Variants in FSIP1 observed in about 807,000 individuals in gnomAD.
The protein encoded by FSIP1 is fibrous sheath interacting protein 1.
FSIP1 carries 65 observed loss-of-function variants against 60.9 expected under a neutral mutation model. That is an observed-to-expected ratio of 1.07 (90% CI 0.87 to 1.31). The LOEUF is 1.31. Among genes scored for constraint, FSIP1 ranks in the 40% most tolerant of loss-of-function variants. The pLI, the probability that FSIP1 is intolerant of heterozygous loss-of-function variation, is 0.00. For synonymous variants in FSIP1, 209 were observed against 221.2 expected, an observed-to-expected ratio of 0.94 and a Z score of 0.49; for missense variants, 675 against 665.5, an observed-to-expected ratio of 1.01 and a Z score of -0.16.
chr15:39,670,845 C>T (rs1228449397), intron 10 of FSIP1, among the ~76,000 whole-genome samples: 2 of 152,200 alleles, frequency 1.3e-5, no homozygotes, highest in Non-Finnish European at 2.9e-5. Flanking sequence ...TAAGCACTTA[C>T]GCAACATTTT....
At chr15:39,631,165 G>GT (rs1206777224) in intron 10 of FSIP1, among the ~76,000 whole-genome samples, 1 of 152,106 alleles carries the variant, frequency 6.6e-6, no homozygotes, top group East Asian at 1.9e-4. Context: ...CTTTCTTTGG[G>GT]TGCTCCTCCA....
chr15:39,727,150 A>G (rs1051127818), intron 8 of FSIP1, among the ~76,000 whole-genome samples: 5 of 152,248 alleles, frequency 3.3e-5, no homozygotes, highest in Admixed American at 1.3e-4. Context: ...GTAACATAGC[A>G]TCTATAAAAT....
chr15:39,631,152 A>G (rs901254110), intron 10 of FSIP1, among the ~76,000 whole-genome samples: 1 of 152,146 alleles, frequency 6.6e-6, no homozygotes, highest in African/African-American at 2.4e-5. Flanking sequence ...TGACTACATG[A>G]TGCTTTCTTT....
chr15:39,726,778 C>A, intron 8 of FSIP1, 31 bp from the exon 9 acceptor site: 2 of 1,604,524 alleles, frequency 1.2e-6, no homozygotes, highest in Non-Finnish European at 1.7e-6. Flanking sequence ...CCAGGTCATT[C>A]TCAGGCTATA....
chr15:39,622,185 A>C (rs1891464449), intron 10 of FSIP1, among the ~76,000 whole-genome samples: 4 of 152,164 alleles, frequency 2.6e-5, no homozygotes, highest in Admixed American at 1.3e-4. Flanking sequence ...TATTCACCTC[A>C]AAGTATTCAT....
At chr15:39,628,874 G>A (rs918611351) in intron 10 of FSIP1, among the ~76,000 whole-genome samples, 1 of 152,170 alleles carries the variant, frequency 6.6e-6, no homozygotes, top group East Asian at 1.9e-4. Context: ...CAACTAGTTG[G>A]GAGGAATACT....
intron 11 of FSIP1, among the ~76,000 whole-genome samples, chr15:39,603,551 A>G (rs947081787): frequency 1.3e-5 from 2 of 152,246 alleles, no homozygotes; most frequent in African/African-American, 2.4e-5. Context: ...AGATAGTTCC[A>G]TACTGGTTAT....
chr15:39,607,389 C>G (rs940087819), intron 11 of FSIP1, among the ~76,000 whole-genome samples: 4 of 152,220 alleles, frequency 2.6e-5, no homozygotes. Flanking sequence ...AAGCGAACCT[C>G]CTTGATCTCC....
At chr15:39,676,341 C>T (rs1893940489) in intron 10 of FSIP1, among the ~76,000 whole-genome samples, 1 of 152,102 alleles carries the variant, frequency 6.6e-6, no homozygotes, top group African/African-American at 2.4e-5. Flanking sequence ...CATCTGTGAC[C>T]ATTTTTGAGT....
chr15:39,641,587 C>T (rs933598273), intron 10 of FSIP1, among the ~76,000 whole-genome samples: 3 of 152,002 alleles, frequency 2.0e-5, no homozygotes, highest in Non-Finnish European at 1.5e-5. Flanking sequence ...GATGTAAAAC[C>T]GACTTGATGT....
rs532774058 is a variant in FSIP1, at chr15:39,642,242, C to G, written c.1189-23997G>C. 3.3e-5 allele frequency among the ~76,000 whole-genome samples: 5 copies of G among 152,310 alleles called. No individual in the cohort carries two copies. The South Asian group carries it at 1.0e-3, about 32-fold the overall frequency. ...TCATCACAATGAATAAAGCCCTAAG[C>G]ATGCTTGCTAATTTTAATGGGACCG... On this transcript the variant is annotated intron_variant, in intron 10 of 11. Coordinates refer to ENST00000350221, the MANE Select transcript of FSIP1 (RefSeq NM_152597.5).
chr15:39,673,082 G>A (rs1893784226), intron 10 of FSIP1, among the ~76,000 whole-genome samples: 1 of 152,166 alleles, frequency 6.6e-6, no homozygotes, highest in Non-Finnish European at 1.5e-5. Flanking sequence ...AGAACGTATG[G>A]ACTCTAACGC....
chr15:39,607,764 C>T (rs940242458), intron 11 of FSIP1, among the ~76,000 whole-genome samples: 13 of 152,192 alleles, frequency 8.5e-5, no homozygotes, highest in African/African-American at 2.9e-4. Context: ...AAGGAAAAGA[C>T]AACTACGTAT....
intron 10 of FSIP1, among the ~76,000 whole-genome samples, chr15:39,619,409 T>C (rs1891363205): frequency 6.6e-6 from 1 of 152,302 alleles, no homozygotes; most frequent in South Asian, 2.1e-4. Flanking sequence ...TGGAAATATA[T>C]TCTTAGTAAT....
At chr15:39,681,879 A>G (rs1894175532) in intron 10 of FSIP1, among the ~76,000 whole-genome samples, 1 of 152,188 alleles carries the variant, frequency 6.6e-6, no homozygotes. Context: ...TTCAGAAGGA[A>G]GCACAACTGA....
chr15:39,708,293 A>G (rs530099467), intron 10 of FSIP1, among the ~76,000 whole-genome samples: 37 of 152,286 alleles, frequency 2.4e-4, no homozygotes, highest in African/African-American at 8.4e-4. Flanking sequence ...CTTATGCCTG[A>G]GACACTCACC....
intron 10 of FSIP1, among the ~76,000 whole-genome samples, chr15:39,629,347 G>A (rs1393586396): frequency 6.6e-6 from 1 of 152,176 alleles, no homozygotes; most frequent in Admixed American, 6.5e-5. Context: ...TTCAGCATCA[G>A]AAAGTACTGT....
chr15:39,742,057 C>T (rs1450809870), intron 5 of FSIP1, among the ~76,000 whole-genome samples, 157 bp from the exon 6 acceptor site: 1 of 152,164 alleles, frequency 6.6e-6, no homozygotes, highest in Non-Finnish European at 1.5e-5. Flanking sequence ...ATGTCACCTC[C>T]AAGTAGAAAT....
chr15:39,733,050 A>AT (rs906046786), intron 8 of FSIP1, among the ~76,000 whole-genome samples: 6 of 151,618 alleles, frequency 4.0e-5, no homozygotes, highest in South Asian at 2.1e-4. Flanking sequence ...TAGTGTAAAT[A>AT]TTTTTTTTTG....
Sources: allele counts gnomAD v4.1 joint callset (sites outside exome capture counted in the v4.1 genomes callset), GRCh38; gene constraint gnomAD v4.1.1; transcripts MANE v1.5; gene names NCBI Gene and HGNC (gene_info 2026-07-23, HGNC 2026-07-21).